ARHGAP20: variants seen among roughly 807,000 people sequenced by gnomAD.
ARHGAP20 encodes the protein Rho GTPase activating protein 20.
Under a neutral mutation model 73.7 loss-of-function variants are expected in ARHGAP20, and 34 were observed. The ratio of observed to expected loss-of-function variants is 0.46; its 90% CI spans 0.35 to 0.61. The LOEUF (loss-of-function observed/expected upper bound fraction) is 0.61, where lower values mean the gene tolerates loss of function less well. Ranked by LOEUF, ARHGAP20 falls within the 20% of genes least tolerant of loss-of-function variation. The probability of loss-of-function intolerance (pLI) is 0.00; values close to 1 mark genes in which losing one functional copy is unlikely to be tolerated. For missense variants in ARHGAP20, 1,314 were observed against 1,420.9 expected (o/e 0.92, Z 1.21); for synonymous variants, 523 against 518.2 (o/e 1.01, Z -0.13).
intron 3 of ARHGAP20, among the ~76,000 whole-genome samples, chr11:110,628,487 T>C (rs1948792510): frequency 6.6e-6 from 1 of 152,160 alleles, no homozygotes. Context: ...TAAAAAATGG[T>C]GGTCAAAATT....
intron 9 of ARHGAP20, among the ~76,000 whole-genome samples, chr11:110,593,993 A>T (rs1170942448): frequency 6.6e-6 from 1 of 152,250 alleles, no homozygotes; most frequent in Non-Finnish European, 1.5e-5. Flanking sequence ...ATAATGAAAT[A>T]CTGAAGGATT....
rs371099712 is a variant in ARHGAP20, at chr11:110,688,931, A to G, written c.188+1616T>C. 2.6e-5 allele frequency among the ~76,000 whole-genome samples: 4 copies of G among 152,004 alleles called. No individual in the cohort carries two copies. The East Asian group carries it at 5.8e-4, about 22-fold the overall frequency. On this transcript the variant is annotated intron_variant, in intron 2 of 14. Transcript: ENST00000683387. Reference sequence around the variant, plus strand: ...GAAAGTGACGTGAGTGTTTTTGTACATGTCACTTGTTGGGATTTGGATATA... The same window carrying G: ...GAAAGTGACGTGAGTGTTTTTGTACGTGTCACTTGTTGGGATTTGGATATA...
intron 1 of ARHGAP20, among the ~76,000 whole-genome samples, chr11:110,693,923 A>G (rs1489211861): frequency 3.3e-5 from 5 of 151,798 alleles, no homozygotes; most frequent in African/African-American, 1.2e-4. Context: ...TATAGTATAT[A>G]TTTTCTGTTG....
chr11:110,583,921 G>A (rs548676368), intron 12 of ARHGAP20, among the ~76,000 whole-genome samples, 184 bp from the exon 13 acceptor site: 1 of 152,050 alleles, frequency 6.6e-6, no homozygotes, highest in South Asian at 2.1e-4. Context: ...AATAGGCATT[G>A]GGAATTTATT....
intron 2 of ARHGAP20, among the ~76,000 whole-genome samples, chr11:110,673,941 A>AT (rs11289312): frequency 0.011 from 1,611 of 144,144 alleles, 10 homozygotes; most frequent in African/African-American, 0.017. Context: ...AACGAAGGCT[A>AT]TTTTTTTTTT....
intron 2 of ARHGAP20, among the ~76,000 whole-genome samples, chr11:110,679,767 A>G (rs1453584675): frequency 6.6e-6 from 1 of 152,212 alleles, no homozygotes; most frequent in African/African-American, 2.4e-5. Flanking sequence ...AGAGCAGGAG[A>G]CTAGAATCCA....
chr11:110,635,858 T>G lies in ARHGAP20; in HGVS notation c.189-5066A>C, dbSNP rs553477062. Among the ~76,000 whole-genome samples, 6 of 152,202 alleles carry G rather than the reference T, an allele frequency of 3.9e-5. No homozygotes were observed. The South Asian group carries it at 1.2e-3, about 32-fold the overall frequency. On this transcript the variant is annotated intron_variant, in intron 2 of 14. Coordinates refer to ENST00000683387, the MANE Select transcript of ARHGAP20 (RefSeq NM_001384657.1). ...GAAGGTATAATAGAATCTTTTAGTATGTAGTGATTTTCAAATGTATAGAAA... is the reference window on the plus strand; with the variant it reads ...GAAGGTATAATAGAATCTTTTAGTAGGTAGTGATTTTCAAATGTATAGAAA...
At chr11:110,614,325 C>T (rs935743128) in intron 6 of ARHGAP20, among the ~76,000 whole-genome samples, 3 of 152,142 alleles carry the variant, frequency 2.0e-5, no homozygotes, top group Non-Finnish European at 2.9e-5. Flanking sequence ...AGTTTAATAC[C>T]GTAGTTCATA....
At position 110,583,519 on chromosome 11, in the gene ARHGAP20, C is replaced by CT. The variant is rs781520196; in HGVS notation, c.1605+28_1605+29insA. 12 of 1,540,068 alleles carry CT rather than the reference C, an allele frequency of 7.8e-6. 1 individual carries two copies. The South Asian group carries it at 1.5e-4, about 19-fold the overall frequency. On this transcript the variant is annotated intron_variant, in intron 13 of 14. Coordinates refer to ENST00000683387, the MANE Select transcript of ARHGAP20 (RefSeq NM_001384657.1). The stretch of plus-strand genomic sequence containing the variant: ...GTTTCAAAACGGGGACTCAGTCTCC[C>CT]AGGGCATAAAAATGAAAAACTTCAT...
At chr11:110,646,151 A>G (rs1949189871) in intron 2 of ARHGAP20, among the ~76,000 whole-genome samples, 1 of 152,160 alleles carries the variant, frequency 6.6e-6, no homozygotes, top group Non-Finnish European at 1.5e-5. Context: ...AATAACTCCT[A>G]TTTAGGAAAT....
In ARHGAP20 at chr11:110,592,005, T is replaced by C. The variant is rs1947840602; in HGVS notation, c.1115A>G (p.Glu372Gly). ...LFGISLPNICENDNLPKPVLD... is the reference protein window; with the variant it reads ...LFGISLPNICGNDNLPKPVLD... ...GACAGGTTTGGGCAGATTGTCATTCTCACAAATATTTGGCAGAGAAATTCC... is the reference window on the plus strand; with the variant it reads ...GACAGGTTTGGGCAGATTGTCATTCCCACAAATATTTGGCAGAGAAATTCC... The change falls in exon 10 of 15, where the codon GAG becomes GGG. Residue 372 changes from glutamate (E) to glycine (G), a missense_variant. Around this residue, in one of 3 missense-constraint regions of ARHGAP20, gnomAD observed 443 missense variants for 466.4 expected, o/e 0.95. Transcript: ENST00000683387. 6.2e-7 allele frequency: 1 copy of C among 1,614,110 alleles called. No individual in the cohort carries two copies. The highest frequency in any genetic ancestry group is 8.5e-7 in the Non-Finnish European group (1 of 1,179,982).
intron 2 of ARHGAP20, among the ~76,000 whole-genome samples, chr11:110,635,990 T>A (rs1948959096): frequency 6.6e-6 from 1 of 152,144 alleles, no homozygotes; most frequent in Admixed American, 6.6e-5. Context: ...TTTAATTTTT[T>A]AATTACATAA....
intron 2 of ARHGAP20, among the ~76,000 whole-genome samples, chr11:110,640,991 G>A (rs1321526204): frequency 6.6e-6 from 1 of 152,076 alleles, no homozygotes. Flanking sequence ...AGTAATACCA[G>A]CATCAAAATG....
Position 110,592,057 on chromosome 11 carries a change from T to C in ARHGAP20, c.1063A>G (p.Thr355Ala), listed in dbSNP as rs1163059931. ...AAGAGCTGTCCTGGCATAGGTGATG[T>C]TGGCGATGAGGGCAAGTTGTCCAGG... ...THLDNLPSSP[T>A]SPMPGQLFGI... Residue 355 changes from threonine (T) to alanine (A), a missense_variant, in exon 10 of 15, where the codon ACA becomes GCA. Around this residue, in one of 3 missense-constraint regions of ARHGAP20, gnomAD observed 443 missense variants for 466.4 expected, o/e 0.95. Coordinates refer to ENST00000683387, the MANE Select transcript of ARHGAP20 (RefSeq NM_001384657.1). The C allele has an allele frequency of 3.7e-6, 6 of 1,614,190 alleles. No homozygotes were observed. The highest frequency in any genetic ancestry group is 1.3e-5 in the African/African-American group (1 of 75,058).
chr11:110,647,715 A>G (rs765375156), intron 2 of ARHGAP20, among the ~76,000 whole-genome samples: 6 of 152,138 alleles, frequency 3.9e-5, no homozygotes, highest in Non-Finnish European at 7.4e-5. Flanking sequence ...AAAGGAAGGA[A>G]TGGTTTTTGG....
intron 3 of ARHGAP20, 49 bp downstream of exon 3, chr11:110,630,579 G>A: frequency 6.4e-7 from 1 of 1,559,070 alleles, no homozygotes; most frequent in African/African-American, 1.4e-5. Flanking sequence ...ATCTTTGTTA[G>A]TAAAAGTGCA....
chr11:110,615,027 T>C (rs1326761440), intron 5 of ARHGAP20, among the ~76,000 whole-genome samples: 2 of 152,194 alleles, frequency 1.3e-5, no homozygotes, highest in African/African-American at 4.8e-5. Flanking sequence ...GTACTTCTCA[T>C]TTAACTCCCC....
At chr11:110,712,525 G>GCAGCCCTCCT (rs1347838554), upstream of ARHGAP20, 2 of 153,228 alleles carry the variant, frequency 1.3e-5, no homozygotes, top group African/African-American at 2.4e-5. Flanking sequence ...GCCCGCCCCC[G>GCAGCCCTCCT]CAGCCCTCCT....
chr11:110,695,282 G>A, intron 1 of ARHGAP20, among the ~76,000 whole-genome samples: 1 of 151,490 alleles, frequency 6.6e-6, no homozygotes, highest in East Asian at 1.9e-4. Flanking sequence ...ATGAGGCAGT[G>A]GCTTCTTATT....
Sources: allele counts gnomAD v4.1 joint callset (sites outside exome capture counted in the v4.1 genomes callset), GRCh38; gene constraint gnomAD v4.1.1; regional missense constraint gnomAD v4.1.1; transcripts MANE v1.5; gene names NCBI Gene and HGNC (gene_info 2026-07-23, HGNC 2026-07-21).